Variants in MARCHF1 observed in about 807,000 individuals in gnomAD.
The protein encoded by MARCHF1 is E3 ubiquitin-protein ligase MARCHF1.
In MARCHF1, 40 loss-of-function variants were observed where a neutral mutation model predicts 54.2. The ratio of observed to expected loss-of-function variants is 0.74; its 90% CI spans 0.57 to 0.96. The LOEUF is 0.96. Ranked by LOEUF, MARCHF1 falls within the 40% of genes least tolerant of loss-of-function variation. The pLI, the probability that MARCHF1 is intolerant of heterozygous loss-of-function variation, is 0.00. For missense variants in MARCHF1, 586 were observed against 656.5 expected, an observed-to-expected ratio of 0.89 and a Z score of 1.17; for synonymous variants, 236 against 236.3, an observed-to-expected ratio of 1.00 and a Z score of 0.01.
chr4:164,049,068 T>G (rs919468546), intron 2 of MARCHF1, among the ~76,000 whole-genome samples: 6 of 152,236 alleles, frequency 3.9e-5, no homozygotes, highest in African/African-American at 1.4e-4. Context: ...TTCACACTGC[T>G]ATAAAGATAC....
At chr4:164,337,033 G>T (rs1211402695) in intron 1 of MARCHF1, among the ~76,000 whole-genome samples, 1 of 151,942 alleles carries the variant, frequency 6.6e-6, no homozygotes, top group East Asian at 1.9e-4. Context: ...AGGAGGGTGA[G>T]AAGAGAAAGG....
chr4:163,982,925 T>A (rs539843938), intron 3 of MARCHF1, among the ~76,000 whole-genome samples: 2 of 152,328 alleles, frequency 1.3e-5, no homozygotes, highest in Non-Finnish European at 2.9e-5. Flanking sequence ...GAATCAAGTA[T>A]CCATTCCTGA....
chr4:164,073,990 G>A (rs1754922164), intron 2 of MARCHF1, among the ~76,000 whole-genome samples: 1 of 152,080 alleles, frequency 6.6e-6, no homozygotes, highest in South Asian at 2.1e-4. Flanking sequence ...ATTTTTAGTA[G>A]AGATGGAGTT....
At chr4:163,995,798 T>C (rs1317928328) in intron 2 of MARCHF1, among the ~76,000 whole-genome samples, 1 of 152,074 alleles carries the variant, frequency 6.6e-6, no homozygotes, top group Non-Finnish European at 1.5e-5. Context: ...CATTGAAGGC[T>C]AGTAGATGGC....
chr4:163,874,362 T>C (rs1260451351), intron 3 of MARCHF1, among the ~76,000 whole-genome samples: 1 of 152,176 alleles, frequency 6.6e-6, no homozygotes, highest in African/African-American at 2.4e-5. Context: ...AGTTCCAGCA[T>C]GTAGCCGTTC....
intron 3 of MARCHF1, among the ~76,000 whole-genome samples, chr4:163,935,631 A>T (rs1309465101): frequency 6.6e-6 from 1 of 151,350 alleles, no homozygotes; most frequent in Non-Finnish European, 1.5e-5. Context: ...AGAATGTTGT[A>T]GATAATTGAT....
In MARCHF1 at chr4:164,102,182, A is replaced by G. The variant is rs1297498146; in HGVS notation, c.-248+9406T>C. On this transcript the variant is annotated intron_variant, in intron 2 of 9. Transcript: ENST00000514618. ...TGGGGAGAATGGAACCAAGTTGGAA[A>G]ACACTCTGCAGGATATTATCCAGGA... Among the ~76,000 whole-genome samples the G allele has an allele frequency of 3.0e-5, 3 of 101,502 alleles. No individual in the cohort carries two copies. The East Asian group carries it at 6.6e-4, about 22-fold the overall frequency. 66.6% of individuals were successfully genotyped at this position (101,502 alleles called of 152,430 possible). A position where few individuals can be genotyped will look rare whatever the true frequency, so the allele number is the denominator to read the frequency against.
At chr4:163,964,845 T>G (rs554072136) in intron 3 of MARCHF1, among the ~76,000 whole-genome samples, 1 of 152,126 alleles carries the variant, frequency 6.6e-6, no homozygotes, top group East Asian at 1.9e-4. Flanking sequence ...CATTAAATGA[T>G]CATCTTTGAG....
intron 2 of MARCHF1, among the ~76,000 whole-genome samples, chr4:164,022,664 T>C (rs1189023147): frequency 1.3e-5 from 2 of 152,212 alleles, no homozygotes; most frequent in Non-Finnish European, 2.9e-5. Flanking sequence ...CCAGAAGCTT[T>C]TGTGCATGGA....
At chr4:163,595,317 TG>T (rs201536640) in intron 7 of MARCHF1, among the ~76,000 whole-genome samples, 4,533 of 151,660 alleles carry the variant, frequency 0.03, 108 homozygotes, top group Middle Eastern at 0.054. Context: ...GAGACCCGCC[TG>T]GGTAACACAG....
At chr4:163,753,254 T>C (rs1313561374) in intron 4 of MARCHF1, among the ~76,000 whole-genome samples, 1 of 151,862 alleles carries the variant, frequency 6.6e-6, no homozygotes, top group Non-Finnish European at 1.5e-5. Flanking sequence ...CTACGATTGC[T>C]TTTTTTTCTA....
intron 2 of MARCHF1, among the ~76,000 whole-genome samples, chr4:164,011,352 T>C (rs1753416073): frequency 6.6e-6 from 1 of 151,658 alleles, no homozygotes; most frequent in African/African-American, 2.4e-5. Context: ...GTTAAGAAAA[T>C]GTTTGCAAAC....
At chr4:164,159,520 C>A (rs1730172691) in intron 1 of MARCHF1, among the ~76,000 whole-genome samples, 1 of 152,068 alleles carries the variant, frequency 6.6e-6, no homozygotes, top group Non-Finnish European at 1.5e-5. Flanking sequence ...AATTCTGTTA[C>A]TGTACTTTAC....
Position 164,241,738 on chromosome 4 carries a change from G to A in MARCHF1, c.-322-130076C>T, listed in dbSNP as rs1226653723. On this transcript the variant is annotated intron_variant, in intron 1 of 9. Coordinates refer to ENST00000514618, the MANE Select transcript of MARCHF1 (RefSeq NM_001394959.1). ...TACCGGGTTCATCTCCCTAGGGAGT[G>A]CCAGACAGTGGGCACAGGTCAGTGG... Among the ~76,000 whole-genome samples the A allele has an allele frequency of 2.0e-5, 3 of 152,166 alleles. No homozygotes were observed. The South Asian group carries it at 6.2e-4, about 32-fold the overall frequency.
intron 3 of MARCHF1, among the ~76,000 whole-genome samples, chr4:163,904,055 T>C (rs1751002394): frequency 6.6e-6 from 1 of 152,238 alleles, no homozygotes; most frequent in Non-Finnish European, 1.5e-5. Flanking sequence ...TATTAGACAC[T>C]CTTATTTTTC....
chr4:164,217,551 A>G (rs961954961), intron 1 of MARCHF1, among the ~76,000 whole-genome samples: 6 of 152,224 alleles, frequency 3.9e-5, no homozygotes, highest in African/African-American at 1.2e-4. Flanking sequence ...TTTAATCACA[A>G]TGACATAAAT....
chr4:164,322,149 T>C (rs1447036788), intron 1 of MARCHF1, among the ~76,000 whole-genome samples: 1 of 152,068 alleles, frequency 6.6e-6, no homozygotes, highest in African/African-American at 2.4e-5. Context: ...AATGGTTATC[T>C]ATGAAAGCAA....
chr4:164,161,294 C>T (rs1261390890), intron 1 of MARCHF1, among the ~76,000 whole-genome samples: 4 of 152,062 alleles, frequency 2.6e-5, no homozygotes, highest in Non-Finnish European at 4.4e-5. Context: ...TGCCTGCTCC[C>T]CCTTCACCTT....
At chr4:163,730,944 T>A (rs1343914236) in intron 4 of MARCHF1, among the ~76,000 whole-genome samples, 1 of 152,160 alleles carries the variant, frequency 6.6e-6, no homozygotes, top group Non-Finnish European at 1.5e-5. Flanking sequence ...ATTATTCTCC[T>A]TTTTCAGGTT....
Sources: allele counts gnomAD v4.1 joint callset (sites outside exome capture counted in the v4.1 genomes callset), GRCh38; gene constraint gnomAD v4.1.1; transcripts MANE v1.5; gene names NCBI Gene and HGNC (gene_info 2026-07-23, HGNC 2026-07-21).